KMT2D: variants seen among roughly 807,000 people sequenced by gnomAD.
KMT2D encodes histone-lysine N-methyltransferase 2D.
In KMT2D, 55 loss-of-function variants were observed where a neutral mutation model predicts 512.7. That is an observed-to-expected ratio of 0.11 (90% CI 0.09 to 0.13). The LOEUF is 0.13. KMT2D is among the 10% of genes least tolerant of loss of function. The probability of loss-of-function intolerance (pLI) is 1.00; values close to 1 mark genes in which losing one functional copy is unlikely to be tolerated. For missense variants in KMT2D, 6,061 were observed against 7,127.9 expected (o/e 0.85, Z 5.39); for synonymous variants, 2,995 against 2,904.0 (o/e 1.03, Z -1.01).
rs2120577889 is a variant in KMT2D, at chr12:49,044,057, G to A, written c.5189-59C>T. ...GAGAGCATGCTGCTCCCAACTTGCA[G>A]GGTGACACTTTGTGCCTACTCTCTC... On this transcript the variant is annotated intron_variant, in intron 22 of 54. Transcript: ENST00000301067. The surrounding 1 kb of genome is among the most constrained non-coding windows in gnomAD (Gnocchi z 6.4). The A allele has an allele frequency of 6.2e-7, 1 of 1,607,534 alleles. No individual in the cohort carries two copies.
intron 43 of KMT2D, 123 bp from the exon 44 acceptor site, chr12:49,029,599 C>G: frequency 1.4e-6 from 1 of 692,622 alleles, no homozygotes; most frequent in Non-Finnish European, 2.5e-6. Context: ...TGTCCTCCCA[C>G]CTACCAGTTT....
At chr12:49,029,529 G>A (rs991959935) in intron 43 of KMT2D, 53 bp from the exon 44 acceptor site, 31 of 1,336,054 alleles carry the variant, frequency 2.3e-5, no homozygotes, top group Non-Finnish European at 3.0e-5. Flanking sequence ...CAGGGCTGAT[G>A]GTACCTTCTC....
intron 48 of KMT2D, among the ~76,000 whole-genome samples, chr12:49,027,585 G>A (rs777430942): frequency 3.6e-4 from 54 of 152,102 alleles, no homozygotes; most frequent in Non-Finnish European, 6.6e-4. Flanking sequence ...GAGTAGCTGG[G>A]ATTACAGGCA....
In KMT2D at chr12:49,049,969, C is replaced by T. The variant is rs1207605582; in HGVS notation, c.3619G>A (p.Glu1207Lys). 1 of 1,613,852 alleles carries T rather than the reference C, an allele frequency of 6.2e-7. No individual in the cohort carries two copies. The highest frequency in any genetic ancestry group is 1.3e-5 in the African/African-American group (1 of 74,930). ...TCACCCTGGCTCAGATTAGAGATCTCGTTAACGATGTCGGATTTGATGAGA... is the reference window on the plus strand; with the variant it reads ...TCACCCTGGCTCAGATTAGAGATCTTGTTAACGATGTCGGATTTGATGAGA... ...PTLIKSDIVNEISNLSQGDAS... is the reference protein window; with the variant it reads ...PTLIKSDIVNKISNLSQGDAS... The change falls in exon 12 of 55, where the codon GAG (glutamate) becomes AAG (lysine). Residue 1207 changes from glutamate (E) to lysine (K), a missense_variant. This residue lies in a region of KMT2D where 447 missense variants were observed against 500.1 expected (regional missense o/e 0.89). Transcript: ENST00000301067.
chr12:49,022,761 C>T lies in KMT2D; in HGVS notation c.16167G>A (p.Arg5389=), dbSNP rs1942389520. 17 of 1,614,002 alleles carry T rather than the reference C, an allele frequency of 1.1e-5. No individual in the cohort carries two copies. In the East Asian group the frequency reaches 3.8e-4, roughly 36 times the overall value. ...TGTTCTTCCATTCGGTGCGCAGCCG[C>T]CGGTACTGAGATGACTTGGAGTGCA... The part of the protein sequence containing the change: ...QFVHSKSSQY[R]RLRTEWKNNV... Residue 5389 remains arginine, a synonymous_variant, in exon 52 of 55, where the codon CGG becomes CGA. Coordinates refer to ENST00000301067, the MANE Select transcript of KMT2D (RefSeq NM_003482.4). The surrounding 1 kb of genome is among the most constrained non-coding windows in gnomAD (Gnocchi z 8.6).
Position 49,026,899 on chromosome 12 carries a change from C to G in KMT2D, c.15067G>C (p.Asp5023His), listed in dbSNP as rs2120364385. The change falls in exon 49 of 55, where the codon GAC becomes CAC. Residue 5023 changes from aspartate (D) to histidine (H), a missense_variant. Around this residue, in one of 16 missense-constraint regions of KMT2D, gnomAD observed 1,600 missense variants for 1,754.9 expected, o/e 0.91. Coordinates refer to ENST00000301067, the MANE Select transcript of KMT2D (RefSeq NM_003482.4). This position sits in a 1 kb window ranked among gnomAD's most constrained non-coding sequence, Gnocchi z 9.6. ...MEQLGTALRP[D>H]KVPRDMRRCC... ...CGACGCATGTCTCGCGGTACCTTGT[C>G]AGGTCGCAAGGCTGTGCCAAGCTGC... 6.2e-7 allele frequency: 1 copy of G among 1,614,028 alleles called. No homozygotes were observed. The highest frequency in any genetic ancestry group is 8.5e-7 in the Non-Finnish European group (1 of 1,179,908).
In KMT2D at chr12:49,052,727, G is replaced by A; in HGVS notation, c.1113-18C>T. 1.2e-6 allele frequency: 2 copies of A among 1,610,314 alleles called. No individual in the cohort carries two copies. The highest frequency in any genetic ancestry group is 1.7e-6 in the Non-Finnish European group (2 of 1,177,004). The stretch of plus-strand genomic sequence containing the variant: ...GTGAAAATCTGCAGAGGGTACAGGG[G>A]AGCAGGCACTGTGGCTCTCACCAGC... On this transcript the variant is annotated intron_variant, in intron 9 of 54. Coordinates refer to ENST00000301067, the MANE Select transcript of KMT2D (RefSeq NM_003482.4).
chr12:49,055,386 A>T, intron 1 of KMT2D, 25 bp from the exon 2 acceptor site: 1 of 1,475,620 alleles, frequency 6.8e-7, no homozygotes, highest in Non-Finnish European at 9.4e-7. Flanking sequence ...AAAGAGATCT[A>T]TATGCCTACT....
rs1196495584 is a variant in KMT2D, at chr12:49,040,770, G to A, written c.7000C>T (p.Arg2334Trp). The A allele has an allele frequency of 5.0e-6, 8 of 1,613,552 alleles. No individual in the cohort carries two copies. The highest frequency in any genetic ancestry group is 1.1e-5 in the South Asian group (1 of 91,076). ...CTCTGGGGCTCTACCTGAGATGCCCGAGGGGTCAGGGGGGCTTTGAAGACA... is the reference window on the plus strand; with the variant it reads ...CTCTGGGGCTCTACCTGAGATGCCCAAGGGGTCAGGGGGGCTTTGAAGACA... ...PDVFKAPLTPRASQVEPQSPG... is the reference protein window; with the variant it reads ...PDVFKAPLTPWASQVEPQSPG... Residue 2334 changes from arginine (R) to tryptophan (W), a missense_variant, in exon 32 of 55, where the codon CGG becomes TGG. Around this residue, in one of 16 missense-constraint regions of KMT2D, gnomAD observed 710 missense variants for 647.3 expected, o/e 1.10. Coordinates refer to ENST00000301067, the MANE Select transcript of KMT2D (RefSeq NM_003482.4).
Position 49,038,437 on chromosome 12 carries a change from A to G in KMT2D, c.8919T>C (p.Leu2973=). 1 of 1,612,576 alleles carries G rather than the reference A, an allele frequency of 6.2e-7. No homozygotes were observed. Among genetic ancestry groups the G allele is most frequent in the Non-Finnish European group, 8.5e-7 (1 of 1,178,884 alleles). The part of the protein sequence containing the change: ...LVNRPPSSTE[L]GRPNPLALEA... ...CCAGGGCCAGAGGATTGGGGCGGCC[A>G]AGCTCAGTGCTCGACGGGGGCCGGT... The change falls in exon 35 of 55, where the codon CTT becomes CTC. Residue 2973 remains leucine (L), a synonymous_variant. Transcript: ENST00000301067. The surrounding 1 kb of genome is among the most constrained non-coding windows in gnomAD (Gnocchi z 5.7).
rs765660993 is a variant in KMT2D, at chr12:49,030,706, G to A, written c.13734C>T (p.Pro4578=). Residue 4578 remains proline (P), a synonymous_variant, in exon 42 of 55, where the codon CCC becomes CCT. Transcript: ENST00000301067. ...AITANFSLFA[P]FGSGCPVNGQ... is the part of the protein sequence containing the mutation. ...CATTGACTGGGCAGCCACTGCCAAA[G>A]GGGGCAAAGAGGCTAAAATTGGCGG... 1 of 1,613,568 alleles carries A rather than the reference G, an allele frequency of 6.2e-7. No homozygotes were observed. Among genetic ancestry groups the A allele is most frequent in the South Asian group, 1.1e-5 (1 of 91,096 alleles).
rs1343798855 is a variant in KMT2D at position 49,053,413 on chromosome 12, C to T, written c.839+63G>A. On this transcript the variant is annotated intron_variant, in intron 7 of 54. Coordinates refer to ENST00000301067, the MANE Select transcript of KMT2D (RefSeq NM_003482.4). ...CATGTTAACAGGCCTTCTCCGACTG[C>T]CCTCATTTTCAACCCTAACCTGTGT... The T allele has an allele frequency of 1.9e-6, 3 of 1,607,928 alleles. No individual in the cohort carries two copies. The South Asian group carries it at 3.3e-5, about 18-fold the overall frequency.
intron 38 of KMT2D, 22 bp downstream of exon 38, chr12:49,034,388 T>C (rs1267431316): frequency 6.2e-7 from 1 of 1,613,316 alleles, no homozygotes; most frequent in Non-Finnish European, 8.5e-7. Flanking sequence ...CCCTGCACCT[T>C]CCTCCCACGC....
At chr12:49,045,108 AC>A in intron 19 of KMT2D, 143 bp from the exon 20 acceptor site, 1 of 718,384 alleles carries the variant, frequency 1.4e-6, no homozygotes, top group South Asian at 1.8e-5. Flanking sequence ...AGAACAGGCC[AC>A]CAAGGGGCAC....
At chr12:49,043,528 C>G in intron 24 of KMT2D, 100 bp from the exon 25 acceptor site, 1 of 1,587,996 alleles carries the variant, frequency 6.3e-7, no homozygotes, top group South Asian at 1.1e-5. Context: ...CCCTTGACCC[C>G]ACCCTTGACT....
intron 19 of KMT2D, among the ~76,000 whole-genome samples, chr12:49,045,660 A>AAG (rs1555194736): frequency 6.6e-6 from 1 of 151,720 alleles, no homozygotes; most frequent in Non-Finnish European, 1.5e-5. Flanking sequence ...AAAAAAAAAA[A>AAG]AGAGATCTGA....
In KMT2D at chr12:49,060,248, G is replaced by GC. The variant is rs1304121749; in HGVS notation, c.-674dup. Among the ~76,000 whole-genome samples the GC allele has an allele frequency of 2.0e-5, 3 of 151,974 alleles. No individual in the cohort carries two copies. Among genetic ancestry groups the GC allele is most frequent in the African/African-American group, 4.8e-5 (2 of 41,392 alleles). ...GAGCGCTCACCCTCGGCGGCTTCGA[G>GC]CCCCCCACCTTCTGCTCCCCCCGGG... On this transcript the variant is annotated 5_prime_UTR_variant, in exon 1 of 55. Transcript: ENST00000301067.
chr12:49,040,692 G>A lies in KMT2D; in HGVS notation c.7078C>T (p.Pro2360Ser). Residue 2360 changes from proline (P) to serine (S), a missense_variant, in exon 32 of 55, where the codon CCT becomes TCT. Transcript: ENST00000301067. ...ATGTCTGGGTGACTTGGAGGAGAAGGTGCCAAAGCCTGGGCAGGGGGTGGC... is the reference window on the plus strand; with the variant it reads ...ATGTCTGGGTGACTTGGAGGAGAAGATGCCAAAGCCTGGGCAGGGGGTGGC... ...QEPPPAQALA[P>S]SPPSHPDIFR... 3 of 1,613,816 alleles carry A rather than the reference G, an allele frequency of 1.9e-6. No individual in the cohort carries two copies. The highest frequency in any genetic ancestry group is 2.5e-6 in the Non-Finnish European group (3 of 1,179,824).
chr12:49,033,829 G>A lies in KMT2D; in HGVS notation c.10876C>T (p.Arg3626Trp), dbSNP rs766696812. Residue 3626 changes from arginine to tryptophan, a missense_variant, in exon 40 of 55, where the codon CGG (arginine) becomes TGG (tryptophan). By Grantham distance (101) the Arg-to-Trp change is moderately radical. Around this residue, in one of 16 missense-constraint regions of KMT2D, gnomAD observed 1,600 missense variants for 1,754.9 expected, o/e 0.91. Transcript: ENST00000301067. ...VLALSPSQSP[R>W]LLTKLPGQLL... Reference sequence around the variant, plus strand: ...TGACCAGGGAGCTTGGTGAGCAGCCGGGGACTCTGGGAAGGGCTGAGAGCC... The same window carrying A: ...TGACCAGGGAGCTTGGTGAGCAGCCAGGGACTCTGGGAAGGGCTGAGAGCC... 6.3e-6 allele frequency: 10 copies of A among 1,576,942 alleles called. No individual in the cohort carries two copies. The highest frequency in any genetic ancestry group is 1.4e-5 in the African/African-American group (1 of 73,992).
Sources: gnomAD v4.1 joint callset for allele counts (sites outside exome capture counted in the v4.1 genomes callset) on GRCh38, gnomAD v4.1.1 for gene constraint, gnomAD v4.1.1 regional missense constraint, Gnocchi (gnomAD v3.1) non-coding constraint, MANE v1.5 for transcripts, NCBI Gene and HGNC (gene_info 2026-07-23, HGNC 2026-07-21) for gene names.